RGPD3: variants seen among roughly 807,000 people sequenced by gnomAD.
RGPD3 encodes ranBP2-like and GRIP domain-containing protein 3.
A neutral mutation model predicts 154.5 loss-of-function variants in RGPD3; 62 were observed. That is an observed-to-expected ratio of 0.40 (90% CI 0.33 to 0.50). The LOEUF (loss-of-function observed/expected upper bound fraction) is 0.50, where lower values mean the gene tolerates loss of function less well. Ranked by LOEUF, RGPD3 falls within the 20% of genes least tolerant of loss-of-function variation. The pLI, the probability that RGPD3 is intolerant of heterozygous loss-of-function variation, is 0.59. For missense variants in RGPD3, 919 were observed against 1,716.8 expected, an observed-to-expected ratio of 0.54 and a Z score of 8.21; for synonymous variants, 308 against 607.0, an observed-to-expected ratio of 0.51 and a Z score of 7.24.
At chr2:106,412,321 T>TG (rs1272203460) in intron 22 of RGPD3, among the ~76,000 whole-genome samples, 183 of 100,026 alleles carry the variant, frequency 1.8e-3, no homozygotes, top group Non-Finnish European at 2.3e-3. Context: ...TTTTTTTTTT[T>TG]TTTTTTTTTT....
chr2:106,410,363 ATCT>A (rs1676633580), intron 22 of RGPD3, among the ~76,000 whole-genome samples: 1 of 152,158 alleles, frequency 6.6e-6, no homozygotes, highest in Admixed American at 6.5e-5. Flanking sequence ...CCAAATGCAC[ATCT>A]TAGAGTTCTG....
At chr2:106,414,462 AAT>A (rs771143124) in intron 21 of RGPD3, among the ~76,000 whole-genome samples, 305 of 151,526 alleles carry the variant, frequency 2.0e-3, no homozygotes, top group Non-Finnish European at 3.6e-3. Flanking sequence ...CCTCTAGTAA[AAT>A]AAAAAAAATT....
chr2:106,424,282 C>A lies in RGPD3; in HGVS notation c.3685G>T (p.Ala1229Ser), dbSNP rs756139387. 12 of 1,611,848 alleles carry A rather than the reference C, an allele frequency of 7.4e-6. No individual in the cohort carries two copies. The highest frequency in any genetic ancestry group is 4.5e-4 in the Middle Eastern group (2 of 4,452). Residue 1229 changes from alanine to serine, a missense_variant, in exon 20 of 23, where the codon GCC becomes TCC. Coordinates refer to ENST00000409886, the MANE Select transcript of RGPD3 (RefSeq NM_001144013.2). ...TTTATTGTTGTGTCTGAGGCACCGGCCGCACCTGTACCTGAACCCTTATTT... is the reference window on the plus strand; with the variant it reads ...TTTATTGTTGTGTCTGAGGCACCGGACGCACCTGTACCTGAACCCTTATTT... ...EENKGSGTGA[A>S]GASDTTIKPN...
chr2:106,415,816 C>A lies in RGPD3; in HGVS notation c.5064+34G>T, dbSNP rs760818258. 16 of 1,611,282 alleles carry A rather than the reference C, an allele frequency of 9.9e-6. No homozygotes were observed. In the African/African-American group the frequency reaches 2.0e-4, roughly 20 times the overall value. ...TGGAGGGTCCAGAAAACCAAACTGGCAGTTTTTATGGTGGCCAGGTTTTCT... is the reference window on the plus strand; with the variant it reads ...TGGAGGGTCCAGAAAACCAAACTGGAAGTTTTTATGGTGGCCAGGTTTTCT... On this transcript the variant is annotated intron_variant, in intron 21 of 22. Coordinates refer to ENST00000409886, the MANE Select transcript of RGPD3 (RefSeq NM_001144013.2).
At chr2:106,425,376 A>G (rs1368617307) in intron 19 of RGPD3, 110 bp from the exon 20 acceptor site, 2 of 1,420,240 alleles carry the variant, frequency 1.4e-6, no homozygotes, top group African/African-American at 2.9e-5. Flanking sequence ...AACAATAATG[A>G]TGATGATGAT....
In RGPD3 at chr2:106,425,160, T is replaced by C. The variant is rs1192716956; in HGVS notation, c.2807A>G (p.Lys936Arg). ...GISEPGNQEK[K>R]SEKPLENDTG... ...ATCATTTTCAAGAGGCTTTTCACTT[T>C]TCTTTTCTTGATTTCCTGGTTCCGA... The change falls in exon 20 of 23, where the codon AAA becomes AGA. Residue 936 changes from lysine to arginine, a missense_variant. Transcript: ENST00000409886. The C allele has an allele frequency of 6.2e-7, 1 of 1,611,844 alleles. No homozygotes were observed. The highest frequency in any genetic ancestry group is 2.2e-5 in the East Asian group (1 of 44,892).
chr2:106,423,879 T>G lies in RGPD3; in HGVS notation c.4088A>C (p.Glu1363Ala). The G allele has an allele frequency of 6.2e-7, 1 of 1,611,984 alleles. No homozygotes were observed. Among genetic ancestry groups the G allele is most frequent in the Non-Finnish European group, 8.5e-7 (1 of 1,179,874 alleles). ...AACATCTTTATCATATCTGTAGAAT[T>G]CTGCCCTGTGACTAAAAACAACTTG... ...NEQVVFSHRA[E>A]FYRYDKDVGQ... Residue 1363 changes from glutamate (E) to alanine (A), a missense_variant, in exon 20 of 23, where the codon GAA becomes GCA. Transcript: ENST00000409886.
chr2:106,470,772 T>C (rs1678793124), upstream of RGPD3: 3 of 1,575,826 alleles, frequency 1.9e-6, no homozygotes, highest in Admixed American at 6.2e-5. Context: ...AAATGTTAAC[T>C]TTTTGGCAAC....
In RGPD3 at chr2:106,423,808, T is replaced by G; in HGVS notation, c.4159A>C (p.Asn1387His). The change falls in exon 20 of 23, where the codon AAT (asparagine) becomes CAT (histidine). Residue 1387 changes from asparagine to histidine, a missense_variant. Physicochemically the swap from Asn to His is moderately conservative, Grantham distance 68 (BLOSUM62 1). Transcript: ENST00000409886. Reference sequence around the variant, plus strand: ...ATACGAACGTGCTTATTATCATAATTCTGTAAAATCTTTATATCACCAATG... The same window carrying G: ...ATACGAACGTGCTTATTATCATAATGCTGTAAAATCTTTATATCACCAATG... ...RGIGDIKILQ[N>H]YDNKHVRILM... 1 of 1,612,034 alleles carries G rather than the reference T, an allele frequency of 6.2e-7. No individual in the cohort carries two copies. The highest frequency in any genetic ancestry group is 1.1e-5 in the South Asian group (1 of 90,988).
At chr2:106,448,249 A>G (rs1362024932) in intron 6 of RGPD3, among the ~76,000 whole-genome samples, 46 of 151,788 alleles carry the variant, frequency 3.0e-4, no homozygotes, top group African/African-American at 1.0e-3. Flanking sequence ...CTGGGATTAC[A>G]GGCACCTGCC....
upstream of RGPD3, among the ~76,000 whole-genome samples, chr2:106,469,558 A>C (rs1305846428): frequency 6.6e-6 from 1 of 152,184 alleles, no homozygotes; most frequent in Non-Finnish European, 1.5e-5. Flanking sequence ...ACCGTCCCTA[A>C]ACATCCACAC....
At chr2:106,469,596 T>C (rs1444678011), upstream of RGPD3, among the ~76,000 whole-genome samples, 1 of 152,204 alleles carries the variant, frequency 6.6e-6, no homozygotes, top group Non-Finnish European at 1.5e-5. Flanking sequence ...ACAAACCACT[T>C]TTCTCCAGGC....
rs544078708 is a variant in RGPD3 at position 106,460,307 on chromosome 2, C to T, written c.73-975G>A. Among the ~76,000 whole-genome samples the T allele has an allele frequency of 2.5e-4, 38 of 151,346 alleles. No individual in the cohort carries two copies. The South Asian group carries it at 7.6e-3, about 30-fold the overall frequency. The stretch of plus-strand genomic sequence containing the variant: ...GCTTTCTTTGGGGAGGAAAGGTATT[C>T]CAGAAATCTCTTCTCCTACCATGTG... On this transcript the variant is annotated intron_variant, in intron 1 of 22. Transcript: ENST00000409886.
chr2:106,424,272 G>A lies in RGPD3; in HGVS notation c.3695C>T (p.Ser1232Leu). ...KGSGTGAAGA[S>L]DTTIKPNAEN... The stretch of plus-strand genomic sequence containing the variant: ...AGCATTGGGTTTTATTGTTGTGTCT[G>A]AGGCACCGGCCGCACCTGTACCTGA... The change falls in exon 20 of 23, where the codon TCA becomes TTA. Residue 1232 changes from serine to leucine, a missense_variant. By Grantham distance (145) the Ser-to-Leu change is moderately radical. Transcript: ENST00000409886. 6.2e-7 allele frequency: 1 copy of A among 1,611,980 alleles called. No homozygotes were observed. The highest frequency in any genetic ancestry group is 8.5e-7 in the Non-Finnish European group (1 of 1,179,852).
upstream of RGPD3, among the ~76,000 whole-genome samples, chr2:106,469,335 T>C (rs979724697): frequency 1.3e-5 from 2 of 151,216 alleles, no homozygotes; most frequent in African/African-American, 4.9e-5. Flanking sequence ...ACCAGGCTTA[T>C]AGAATTCTAA....
At chr2:106,445,394 T>C (rs1168425095) in intron 7 of RGPD3, among the ~76,000 whole-genome samples, 31 of 149,186 alleles carry the variant, frequency 2.1e-4, no homozygotes, top group African/African-American at 7.0e-4. Context: ...ACTAAATCCA[T>C]TAATTTTCAC....
At chr2:106,412,752 A>C in intron 22 of RGPD3, 1 of 502,230 alleles carries the variant, frequency 2.0e-6, no homozygotes, top group Non-Finnish European at 3.8e-6. Flanking sequence ...ACAAGCTAAT[A>C]AATGTTTTTT....
chr2:106,415,674 C>CA (rs879163469), intron 21 of RGPD3, among the ~76,000 whole-genome samples, 176 bp downstream of exon 21: 3,227 of 44,350 alleles, frequency 0.073, 95 homozygotes, highest in African/African-American at 0.09. Context: ...AAGACTGTCT[C>CA]AAAAAAAAAA....
intron 21 of RGPD3, among the ~76,000 whole-genome samples, chr2:106,414,407 A>T (rs959534760): frequency 1.2e-3 from 184 of 152,232 alleles, no homozygotes; most frequent in Middle Eastern, 3.4e-3. Context: ...GCAGATCACG[A>T]GGTCAGGAGA....
Sources: allele counts gnomAD v4.1 joint callset (sites outside exome capture counted in the v4.1 genomes callset), GRCh38; gene constraint gnomAD v4.1.1; transcripts MANE v1.5; gene names NCBI Gene and HGNC (gene_info 2026-07-23, HGNC 2026-07-21).